CGNL1: variants seen among roughly 807,000 people sequenced by gnomAD.
CGNL1 encodes the protein cingulin like 1, also known as cingulin-like protein 1.
In CGNL1, 132 loss-of-function variants were observed where a neutral mutation model predicts 141.2. The observed-to-expected ratio is 0.93, with a 90% confidence interval of 0.81 to 1.08. The LOEUF (loss-of-function observed/expected upper bound fraction) is 1.08. Ranked by LOEUF, CGNL1 falls within the 50% of genes least tolerant of loss-of-function variation. The probability of loss-of-function intolerance (pLI) is 0.00; values close to 1 mark genes in which losing one functional copy is unlikely to be tolerated. For missense variants in CGNL1, 1,870 were observed against 1,588.6 expected (o/e 1.18, Z -3.01); for synonymous variants, 690 against 622.1 (o/e 1.11, Z -1.63).
At chr15:57,516,341 C>A (rs1279506920) in intron 8 of CGNL1, among the ~76,000 whole-genome samples, 2 of 152,054 alleles carry the variant, frequency 1.3e-5, no homozygotes, top group Non-Finnish European at 2.9e-5. Flanking sequence ...TCAGTTTCCT[C>A]ATATTTAAGA....
In CGNL1 at chr15:57,513,253, G is replaced by GGTGTGTGTGTGT. The variant is rs369204678; in HGVS notation, c.2404-3496_2404-3485dup. Among the ~76,000 whole-genome samples, 397 of 133,914 alleles carry GGTGTGTGTGTGT rather than the reference G, an allele frequency of 3.0e-3. 1 individual carries two copies. The highest frequency in any genetic ancestry group is 5.1e-3 in the African/African-American group (183 of 35,786). 87.9% of individuals were successfully genotyped at this position (133,914 alleles called of 152,430 possible). ...AGACTTTCATATAAATGTCAATATG[G>GGTGTGTGTGTGT]GTGTGTGTGTGTGTGTGTGTGTGTG... is the stretch of plus-strand genomic sequence containing the variant. On this transcript the variant is annotated intron_variant, in intron 8 of 18. Coordinates refer to ENST00000281282, the MANE Select transcript of CGNL1 (RefSeq NM_032866.5).
At chr15:57,472,075 AAAAAG>A (rs1393491088) in intron 8 of CGNL1, among the ~76,000 whole-genome samples, 1 of 152,106 alleles carries the variant, frequency 6.6e-6, no homozygotes, top group Non-Finnish European at 1.5e-5. Flanking sequence ...CCATCTCAGA[AAAAAG>A]AAAAAAATAT....
intron 8 of CGNL1, among the ~76,000 whole-genome samples, chr15:57,476,556 A>G (rs1006356319): frequency 7.9e-5 from 12 of 152,216 alleles, no homozygotes; most frequent in African/African-American, 2.9e-4. Flanking sequence ...AATTCAGTAG[A>G]AACCATCAGA....
intron 1 of CGNL1, among the ~76,000 whole-genome samples, chr15:57,418,509 C>T (rs2062875895): frequency 6.6e-6 from 1 of 152,302 alleles, no homozygotes; most frequent in East Asian, 1.9e-4. Context: ...GGTTGCCCAG[C>T]TCTCTGCCTG....
intron 1 of CGNL1, among the ~76,000 whole-genome samples, chr15:57,430,612 A>G (rs1912860): frequency 0.56 from 85,066 of 152,028 alleles, 24,538 homozygotes; most frequent in Non-Finnish European, 0.64. Context: ...CAGGGAAACG[A>G]GGCGGGTAGA....
chr15:57,529,473 A>G (rs1567172419), intron 13 of CGNL1, among the ~76,000 whole-genome samples: 1 of 152,054 alleles, frequency 6.6e-6, no homozygotes, highest in East Asian at 1.9e-4. Context: ...TGAACAGTTC[A>G]CTGAGGTTGA....
At chr15:57,395,243 C>A (rs1485737441) in intron 1 of CGNL1, among the ~76,000 whole-genome samples, 3 of 152,248 alleles carry the variant, frequency 2.0e-5, no homozygotes. Context: ...TTAGTTGTCT[C>A]TTCTGTTTCC....
intron 7 of CGNL1, among the ~76,000 whole-genome samples, chr15:57,461,358 C>G (rs1290799160): frequency 1.3e-5 from 2 of 152,162 alleles, no homozygotes; most frequent in East Asian, 1.9e-4. Context: ...GGCAACAGAT[C>G]ACTGCACAGA....
intron 8 of CGNL1, among the ~76,000 whole-genome samples, chr15:57,515,459 G>T (rs12593685): frequency 0.17 from 25,739 of 152,018 alleles, 2,520 homozygotes; most frequent in East Asian, 0.45. Context: ...CCACATGGTC[G>T]GTGATACAGC....
At chr15:57,516,011 T>C (rs1311268379) in intron 8 of CGNL1, among the ~76,000 whole-genome samples, 2 of 151,482 alleles carry the variant, frequency 1.3e-5, no homozygotes, top group African/African-American at 2.4e-5. Context: ...ATAAAAAAAT[T>C]AGCCAGGCGT....
At position 57,532,951 on chromosome 15, in the gene CGNL1, G is replaced by C. The variant is rs533970404; in HGVS notation, c.3291+1172G>C. Among the ~76,000 whole-genome samples the C allele has an allele frequency of 7.9e-5, 12 of 152,272 alleles. No homozygotes were observed. The East Asian group carries it at 1.9e-3, about 24-fold the overall frequency. On this transcript the variant is annotated intron_variant, in intron 14 of 18. Transcript: ENST00000281282. ...AGGGCACTTTCCTCTGGTCTCTTCTGCTTATTCACATGGACTTCCCTTTCC... is the reference window on the plus strand; with the variant it reads ...AGGGCACTTTCCTCTGGTCTCTTCTCCTTATTCACATGGACTTCCCTTTCC...
rs1441848919 is a variant in CGNL1 at position 57,545,694 on chromosome 15, G to C, written c.3603G>C (p.Lys1201Asn). ...DDEHLSLTDQ[K>N]DQLSLRLKAM... ...AGCACCTGTCATTGACTGATCAGAA[G>C]GACCAGGTGGGGAGCCTCTGCGTGC... Residue 1201 changes from lysine to asparagine, a missense_variant, in exon 17 of 19, where the codon AAG becomes AAC. Coordinates refer to ENST00000281282, the MANE Select transcript of CGNL1 (RefSeq NM_032866.5). 1.9e-6 allele frequency: 3 copies of C among 1,611,200 alleles called. No individual in the cohort carries two copies. Among genetic ancestry groups the C allele is most frequent in the Non-Finnish European group, 2.5e-6 (3 of 1,178,550 alleles).
chr15:57,399,310 C>T (rs2062634642), intron 1 of CGNL1, among the ~76,000 whole-genome samples: 1 of 152,104 alleles, frequency 6.6e-6, no homozygotes, highest in African/African-American at 2.4e-5. Flanking sequence ...TCTATCCTAC[C>T]CTCTTCTCTA....
chr15:57,399,491 T>C (rs1010278561), intron 1 of CGNL1, among the ~76,000 whole-genome samples: 8 of 152,104 alleles, frequency 5.3e-5, no homozygotes, highest in Admixed American at 6.6e-5. Flanking sequence ...AAAAGTAGAA[T>C]CTTGTTTTTT....
At position 57,547,603 on chromosome 15, in the gene CGNL1, T is replaced by C; in HGVS notation, c.*113T>C. The C allele has an allele frequency of 8.3e-7, 1 of 1,199,512 alleles. No individual in the cohort carries two copies. Among genetic ancestry groups the C allele is most frequent in the Non-Finnish European group, 1.2e-6 (1 of 850,766 alleles). 74.3% of individuals were successfully genotyped at this position (1,199,512 alleles called of 1,614,324 possible). On this transcript the variant is annotated 3_prime_UTR_variant, in exon 19 of 19. Transcript: ENST00000281282. ...GCCACTGAGACCAATCACAGCCTCTTTGCACAGCATGCCAGCTCCTCAGTG... is the reference window on the plus strand; with the variant it reads ...GCCACTGAGACCAATCACAGCCTCTCTGCACAGCATGCCAGCTCCTCAGTG...
intron 1 of CGNL1, chr15:57,405,049 G>A (rs1050036357): frequency 6.6e-6 from 1 of 152,100 alleles, no homozygotes; most frequent in African/African-American, 2.4e-5. Context: ...CATTTGTATT[G>A]GTGCTTTCTT....
intron 1 of CGNL1, among the ~76,000 whole-genome samples, 189 bp downstream of exon 1, chr15:57,376,756 A>C (rs1247645077): frequency 6.9e-6 from 1 of 144,614 alleles, no homozygotes; most frequent in Non-Finnish European, 1.5e-5. Context: ...TGCGACCCGG[A>C]CTCCCGCGCC....
At chr15:57,455,468 A>G (rs1284680764) in intron 7 of CGNL1, among the ~76,000 whole-genome samples, 5 of 152,220 alleles carry the variant, frequency 3.3e-5, no homozygotes, top group Admixed American at 6.5e-5. Context: ...GACAGCTGTC[A>G]CTGTGAGTTG....
At chr15:57,456,779 C>G (rs111779615) in intron 7 of CGNL1, among the ~76,000 whole-genome samples, 323 of 152,216 alleles carry the variant, frequency 2.1e-3, no homozygotes, top group African/African-American at 7.5e-3. Flanking sequence ...TTCTAATTAT[C>G]AAATGTCTGC....
Sources: gnomAD v4.1 joint callset for allele counts (sites outside exome capture counted in the v4.1 genomes callset) on GRCh38, gnomAD v4.1.1 for gene constraint, MANE v1.5 for transcripts, NCBI Gene and HGNC (gene_info 2026-07-23, HGNC 2026-07-21) for gene names.